Variants in MPND observed in about 807,000 individuals in gnomAD.
MPND encodes the protein MPN domain containing.
Under a neutral mutation model 59.2 loss-of-function variants are expected in MPND, and 56 were observed. The ratio of observed to expected loss-of-function variants is 0.95; its 90% CI spans 0.76 to 1.18. The LOEUF is 1.18. MPND is among the 50% of genes most tolerant of loss of function. The pLI is 0.00. For missense variants in MPND, 671 were observed against 676.0 expected, an observed-to-expected ratio of 0.99 and a Z score of 0.08; for synonymous variants, 323 against 291.9, an observed-to-expected ratio of 1.11 and a Z score of -1.09.
At position 4,357,419 on chromosome 19, in the gene MPND, G is replaced by A. The variant is rs370229309; in HGVS notation, c.1163G>A (p.Cys388Tyr). 2.7e-5 allele frequency: 44 copies of A among 1,612,138 alleles called. No homozygotes were observed. The highest frequency in any genetic ancestry group is 3.7e-5 in the Non-Finnish European group (44 of 1,179,368). Residue 388 changes from cysteine (C) to tyrosine (Y), a missense_variant and splice_region_variant, in exon 9 of 13, where the codon TGC becomes TAC. Coordinates refer to ENST00000599840, the MANE Select transcript of MPND (RefSeq NM_001300862.2). ...NGFQPCLALL[C>Y]SPYYSGNPGP... The stretch of plus-strand genomic sequence containing the variant: ...TTCCAGCCCTGCCTCGCCCTGCTCT[G>A]CTGTACGCGGGATGGGGCTGTGGGG...
chr19:4,358,054 C>T (rs1293985257), intron 10 of MPND, 29 bp from the exon 11 acceptor site: 1 of 1,539,238 alleles, frequency 6.5e-7, no homozygotes, highest in Non-Finnish European at 8.8e-7. Context: ...GCTGGTGAGG[C>T]TTCTCTCACT....
chr19:4,358,523 C>T (rs1972497016), intron 11 of MPND: 1 of 230,840 alleles, frequency 4.3e-6, no homozygotes, highest in Non-Finnish European at 8.6e-6. Context: ...CATAGTGGCT[C>T]ACGCCTGTAA....
intron 3 of MPND, among the ~76,000 whole-genome samples, chr19:4,349,284 C>G (rs1972260396): frequency 1.3e-5 from 2 of 152,104 alleles, no homozygotes; most frequent in African/African-American, 4.8e-5. Flanking sequence ...CCATGTTGGT[C>G]AGGCTGGTCT....
chr19:4,357,674 C>T, intron 10 of MPND, 89 bp downstream of exon 10: 2 of 1,330,616 alleles, frequency 1.5e-6, no homozygotes, highest in Non-Finnish European at 2.1e-6. Context: ...GTTCCAGGCT[C>T]CACTGGAGAG....
chr19:4,350,453 G>A (rs939162370), intron 3 of MPND, among the ~76,000 whole-genome samples: 11 of 152,140 alleles, frequency 7.2e-5, no homozygotes, highest in South Asian at 2.1e-4. Flanking sequence ...CTAGACTGTC[G>A]GGGGTTAGGG....
At chr19:4,359,822 T>A in intron 12 of MPND, 94 bp from the exon 13 acceptor site, 1 of 983,802 alleles carries the variant, frequency 1.0e-6, no homozygotes, top group Non-Finnish European at 1.5e-6. Context: ...TCAGGGGGGC[T>A]CAGTCAGGAT....
rs1169292719 is a variant in MPND, at chr19:4,343,799, G to A, written c.99G>A (p.Pro33=). The A allele has an allele frequency of 8.3e-6, 10 of 1,208,722 alleles. No homozygotes were observed. The highest frequency in any genetic ancestry group is 4.1e-5 in the South Asian group (1 of 24,268). The allele number at this position is 1,208,722 out of a possible 1,614,324, so 74.9% of individuals were successfully genotyped here. Residue 33 remains proline, a synonymous_variant, in exon 2 of 13, where the codon CCG becomes CCA. Coordinates refer to ENST00000599840, the MANE Select transcript of MPND (RefSeq NM_001300862.2). Reference sequence around the variant, plus strand: ...CGGAGGCCGAGGACCCTGAGCGGCCGAATGCGGGAGCGGGCGGTGGACGCA... The same window carrying A: ...CGGAGGCCGAGGACCCTGAGCGGCCAAATGCGGGAGCGGGCGGTGGACGCA... ...DEAEAEDPER[P]NAGAGGGRSG...
chr19:4,352,843 G>C (rs531378930), intron 3 of MPND, 54 bp from the exon 4 acceptor site: 10 of 1,312,376 alleles, frequency 7.6e-6, no homozygotes, highest in Middle Eastern at 2.2e-4. Context: ...GCAGGGAGCG[G>C]GGGGGCACCC....
chr19:4,347,105 C>T (rs931532741), intron 3 of MPND: 1 of 151,886 alleles, frequency 6.6e-6, no homozygotes, highest in Admixed American at 6.6e-5. Context: ...AGGCAGGAAA[C>T]TGAGGCAGGA....
Position 4,355,014 on chromosome 19 carries a change from C to T in MPND, c.912C>T (p.Asn304=), listed in dbSNP as rs1056654621. ...VGYLGGRWDV[N]SQMLTVLRAF... is the part of the protein sequence containing the mutation. The stretch of plus-strand genomic sequence containing the variant: ...ACCTGGGGGGCCGCTGGGACGTCAA[C>T]AGCCAGAGTGGGTATCCAGGGCCAG... Residue 304 remains asparagine, a synonymous_variant, in exon 7 of 13, where the codon AAC becomes AAT. Coordinates refer to ENST00000599840, the MANE Select transcript of MPND (RefSeq NM_001300862.2). 6.2e-7 allele frequency: 1 copy of T among 1,606,294 alleles called. No individual in the cohort carries two copies. The highest frequency in any genetic ancestry group is 8.5e-7 in the Non-Finnish European group (1 of 1,176,528).
intron 2 of MPND, 145 bp downstream of exon 2, chr19:4,344,139 T>G (rs1176399447): frequency 1.0e-4 from 55 of 526,824 alleles, no homozygotes; most frequent in Non-Finnish European, 1.3e-4. Context: ...CGAGCCCCGG[T>G]GTGGCGAGGG....
At chr19:4,353,881 T>C (rs1019921514) in intron 4 of MPND, 164 bp from the exon 5 acceptor site, 1 of 602,126 alleles carries the variant, frequency 1.7e-6, no homozygotes, top group African/African-American at 1.9e-5. Context: ...CAGGCTGGAG[T>C]GCAGTGGTGT....
At chr19:4,345,636 A>T (rs1972168881) in intron 2 of MPND, 109 bp from the exon 3 acceptor site, 1 of 998,038 alleles carries the variant, frequency 1.0e-6, no homozygotes, top group Non-Finnish European at 1.5e-6. Context: ...GTGTTCCTGG[A>T]AGCCCTGTAA....
intron 3 of MPND, among the ~76,000 whole-genome samples, chr19:4,346,656 A>T (rs550188637): frequency 6.6e-6 from 1 of 152,028 alleles, no homozygotes; most frequent in Non-Finnish European, 1.5e-5. Flanking sequence ...GCCTCCAGCA[A>T]TCCTCCCACC....
At chr19:4,357,164 G>T (rs1189840000) in intron 8 of MPND, 89 bp from the exon 9 acceptor site, 142 of 1,409,326 alleles carry the variant, frequency 1.0e-4, no homozygotes, top group Non-Finnish European at 1.3e-4. Context: ...CTGATACACA[G>T]CAGGAATTCG....
rs911342914 is a variant in MPND at position 4,354,602 on chromosome 19, C to G, written c.846+182C>G. 6 of 626,488 alleles carry G rather than the reference C, an allele frequency of 9.6e-6. No individual in the cohort carries two copies. In the Admixed American group the frequency reaches 1.1e-4, roughly 12 times the overall value. 38.8% of individuals were successfully genotyped at this position (626,488 alleles called of 1,614,324 possible). A position where few individuals can be genotyped will look rare whatever the true frequency, so the allele number is the denominator to read the frequency against. Reference sequence around the variant, plus strand: ...GGGTGCGTGGCCAGGCCCAGTGGCTCACACCTATAATCCCAGCACTTTGGG... The same window carrying G: ...GGGTGCGTGGCCAGGCCCAGTGGCTGACACCTATAATCCCAGCACTTTGGG... On this transcript the variant is annotated intron_variant, in intron 6 of 12. Transcript: ENST00000599840.
chr19:4,347,701 G>A (rs745419545), intron 3 of MPND: 8 of 643,030 alleles, frequency 1.2e-5, no homozygotes, highest in Non-Finnish European at 2.0e-5. Context: ...TCTACTCATT[G>A]CAAGGAAATC....
Position 4,357,327 on chromosome 19 carries a change from G to C in MPND, c.1071G>C (p.Leu357=), listed in dbSNP as rs747220089. 1 of 1,613,150 alleles carries C rather than the reference G, an allele frequency of 6.2e-7. No individual in the cohort carries two copies. The highest frequency in any genetic ancestry group is 1.7e-5 in the Admixed American group (1 of 60,004). Residue 357 remains leucine, a synonymous_variant, in exon 9 of 13, where the codon CTG becomes CTC. Coordinates refer to ENST00000599840, the MANE Select transcript of MPND (RefSeq NM_001300862.2). ...WYHSHPHSPA[L]PSLQDIDAQM... ...ACAGCCACCCACACAGCCCGGCGCT[G>C]CCATCTCTGCAGGACATCGACGCAC...
In MPND at chr19:4,354,818, C is replaced by G. The variant is rs888688902; in HGVS notation, c.847-131C>G. 5 of 891,320 alleles carry G rather than the reference C, an allele frequency of 5.6e-6. No homozygotes were observed. In the African/African-American group the frequency reaches 6.8e-5, roughly 12 times the overall value. The allele number at this position is 891,320 out of a possible 1,614,324, so 55.2% of individuals were successfully genotyped here. A position where few individuals can be genotyped will look rare whatever the true frequency, so the allele number is the denominator to read the frequency against. On this transcript the variant is annotated intron_variant, in intron 6 of 12. Transcript: ENST00000599840. ...GGCGGAGGTTGCGGTGAGCCAAGAT[C>G]GTGCCACTGCCCTCCAGCCTGGGCG...
Sources: gnomAD v4.1 joint callset for allele counts (sites outside exome capture counted in the v4.1 genomes callset) on GRCh38, gnomAD v4.1.1 for gene constraint, MANE v1.5 for transcripts, NCBI Gene and HGNC (gene_info 2026-07-23, HGNC 2026-07-21) for gene names.